The following ST3GAL3 variants were observed in gnomAD, a reference collection of about 807,000 sequenced individuals.
ST3GAL3 encodes the protein CMP-N-acetylneuraminate-beta-1,4-galactoside alpha-2,3-sialyltransferase.
ST3GAL3 carries 21 observed loss-of-function variants against 50.1 expected under a neutral mutation model. The ratio of observed to expected loss-of-function variants is 0.42; its 90% CI spans 0.30 to 0.60. The LOEUF (loss-of-function observed/expected upper bound fraction) is 0.60. Among genes scored for constraint, ST3GAL3 ranks in the 20% least tolerant of loss-of-function variants. The pLI is 0.19. For synonymous variants in ST3GAL3, 183 were observed against 190.0 expected, an observed-to-expected ratio of 0.96 and a Z score of 0.30; for missense variants, 353 against 489.4, an observed-to-expected ratio of 0.72 and a Z score of 2.63.
intron 5 of ST3GAL3, among the ~76,000 whole-genome samples, chr1:43,867,055 G>A (rs1379994375): frequency 1.3e-5 from 2 of 151,990 alleles, no homozygotes; most frequent in African/African-American, 2.4e-5. Context: ...GCTTCAACCC[G>A]GGAGGCAGAG....
chr1:43,886,832 G>A (rs1354350436), intron 5 of ST3GAL3, among the ~76,000 whole-genome samples: 3 of 152,180 alleles, frequency 2.0e-5, no homozygotes, highest in South Asian at 2.1e-4. Flanking sequence ...TGGCCAGGAC[G>A]CTTTGTCGAA....
chr1:43,817,834 CCTTCTTCTT>C (rs1405143520), intron 4 of ST3GAL3, among the ~76,000 whole-genome samples: 1 of 138,898 alleles, frequency 7.2e-6, no homozygotes, highest in Non-Finnish European at 1.6e-5. Context: ...CTTCCTTCCT[CCTTCTTCTT>C]CTCCTTCTCC....
At chr1:43,735,078 A>T (rs1230352565) in intron 1 of ST3GAL3, among the ~76,000 whole-genome samples, 1 of 152,204 alleles carries the variant, frequency 6.6e-6, no homozygotes, top group Non-Finnish European at 1.5e-5. Context: ...AATGAGGTTG[A>T]GAGAAGCAAG....
Position 43,778,676 on chromosome 1 carries a change from C to T in ST3GAL3, c.119-13426C>T, listed in dbSNP as rs564557938. On this transcript the variant is annotated intron_variant, in intron 2 of 11. Transcript: ENST00000347631. ...TTTTTTTTTTTTTGAGACGGAGTCTCGCTCTGTCGCCCAGGCTGGAGTGCA... is the reference window on the plus strand; with the variant it reads ...TTTTTTTTTTTTTGAGACGGAGTCTTGCTCTGTCGCCCAGGCTGGAGTGCA... 2.7e-3 allele frequency among the ~76,000 whole-genome samples: 330 copies of T among 123,502 alleles called. 1 individual carries two copies. The highest frequency in any genetic ancestry group is 9.3e-3 in the African/African-American group (307 of 33,076). 81.0% of individuals were successfully genotyped at this position (123,502 alleles called of 152,430 possible). A position where few individuals can be genotyped will look rare whatever the true frequency, so the allele number is the denominator to read the frequency against.
chr1:43,745,152 A>C (rs1571983771), intron 2 of ST3GAL3, among the ~76,000 whole-genome samples: 1 of 152,330 alleles, frequency 6.6e-6, no homozygotes, highest in South Asian at 2.1e-4. Context: ...AATGGTAGGC[A>C]AATATGACTC....
intron 1 of ST3GAL3, among the ~76,000 whole-genome samples, chr1:43,725,267 G>A (rs1483888876): frequency 6.6e-6 from 1 of 151,992 alleles, no homozygotes; most frequent in African/African-American, 2.4e-5. Flanking sequence ...GTGCAGTGGT[G>A]CAATCGGCTT....
intron 11 of ST3GAL3, chr1:43,921,452 C>G (rs2083030356): frequency 2.5e-6 from 1 of 406,340 alleles, no homozygotes; most frequent in African/African-American, 2.0e-5. Context: ...GCCAAGACCC[C>G]ATGTGGAAAA....
chr1:43,770,064 CTG>C (rs955801276), intron 2 of ST3GAL3, among the ~76,000 whole-genome samples: 1 of 151,984 alleles, frequency 6.6e-6, no homozygotes, highest in Non-Finnish European at 1.5e-5. Context: ...ATAATTTAAA[CTG>C]TAACTTGAAA....
chr1:43,710,531 G>T (rs1009043746), intron 1 of ST3GAL3, among the ~76,000 whole-genome samples: 3 of 152,138 alleles, frequency 2.0e-5, no homozygotes, highest in African/African-American at 7.2e-5. Flanking sequence ...CACTTCTCCA[G>T]CCAGGACTTT....
At chr1:43,862,571 C>T (rs1570031661) in intron 5 of ST3GAL3, among the ~76,000 whole-genome samples, 2 of 151,966 alleles carry the variant, frequency 1.3e-5, no homozygotes, top group Admixed American at 6.5e-5. Flanking sequence ...CAGCTGGGCC[C>T]AGCACTCTGG....
chr1:43,892,729 A>G (rs1323571170), intron 5 of ST3GAL3, among the ~76,000 whole-genome samples: 2 of 152,220 alleles, frequency 1.3e-5, no homozygotes, highest in South Asian at 2.1e-4. Flanking sequence ...CATCTAGTAC[A>G]TATTGGAAAG....
chr1:43,911,114 TGAG>T (rs1341444945), intron 9 of ST3GAL3: 1 of 148,588 alleles, frequency 6.7e-6, no homozygotes, highest in Non-Finnish European at 1.5e-5. Context: ...ATGTGTGGAG[TGAG>T]GAGGAGTCTA....
chr1:43,768,650 G>C (rs996691071), intron 2 of ST3GAL3, among the ~76,000 whole-genome samples: 2 of 152,114 alleles, frequency 1.3e-5, no homozygotes, highest in African/African-American at 4.8e-5. Context: ...TGAGAATTTT[G>C]TGAAAATAGA....
At chr1:43,828,912 GTATT>G (rs1315230507) in intron 4 of ST3GAL3, among the ~76,000 whole-genome samples, 3 of 152,084 alleles carry the variant, frequency 2.0e-5, no homozygotes, top group African/African-American at 7.2e-5. Flanking sequence ...ACCCTCCTAA[GTATT>G]TACCCAGTGG....
chr1:43,791,530 T>C (rs1558315057), intron 2 of ST3GAL3, among the ~76,000 whole-genome samples: 1 of 152,252 alleles, frequency 6.6e-6, no homozygotes, highest in Non-Finnish European at 1.5e-5. Context: ...TGATTCTGCC[T>C]GCGGTGTTTG....
intron 2 of ST3GAL3, among the ~76,000 whole-genome samples, chr1:43,769,408 G>A (rs1285154573): frequency 6.6e-6 from 1 of 152,134 alleles, no homozygotes; most frequent in East Asian, 1.9e-4. Flanking sequence ...CTGGTGCACT[G>A]AGGCAAGAAA....
intron 4 of ST3GAL3, among the ~76,000 whole-genome samples, chr1:43,822,620 T>C (rs937068635): frequency 3.3e-5 from 5 of 152,216 alleles, no homozygotes; most frequent in Non-Finnish European, 7.3e-5. Flanking sequence ...AAACAGCCTG[T>C]CAAGTTCCCT....
chr1:43,732,980 C>CTT (rs11320852), intron 1 of ST3GAL3, among the ~76,000 whole-genome samples: 1 of 143,918 alleles, frequency 6.9e-6, no homozygotes. Context: ...ATAAAAAATA[C>CTT]TTTTTTTTTT....
chr1:43,875,559 G>A (rs2073896493), intron 5 of ST3GAL3, among the ~76,000 whole-genome samples: 1 of 152,040 alleles, frequency 6.6e-6, no homozygotes, highest in South Asian at 2.1e-4. Flanking sequence ...TTGGATCATG[G>A]GGGGTTTCCC....
Sources: gnomAD v4.1 joint callset for allele counts (sites outside exome capture counted in the v4.1 genomes callset) on GRCh38, gnomAD v4.1.1 for gene constraint, MANE v1.5 for transcripts, NCBI Gene and HGNC (gene_info 2026-07-23, HGNC 2026-07-21) for gene names.